The following ZBTB7C variants were observed in gnomAD, a reference collection of about 807,000 sequenced individuals.
ZBTB7C encodes zinc finger and BTB domain containing 7C.
Under a neutral mutation model 25.7 loss-of-function variants are expected in ZBTB7C, and 8 were observed. The observed-to-expected ratio is 0.31, with a 90% CI of 0.18 to 0.56. The LOEUF (loss-of-function observed/expected upper bound fraction) is 0.56, where lower values mean the gene tolerates loss of function less well. Ranked by LOEUF, ZBTB7C falls within the 20% of genes least tolerant of loss-of-function variation. The pLI is 0.91. For missense variants in ZBTB7C, 824 were observed against 855.2 expected (o/e 0.96, Z 0.46); for synonymous variants, 394 against 369.0 (o/e 1.07, Z -0.78).
intron 3 of ZBTB7C, among the ~76,000 whole-genome samples, chr18:48,103,179 G>T (rs2038911671): frequency 6.9e-6 from 1 of 144,022 alleles, no homozygotes; most frequent in Non-Finnish European, 1.5e-5. Context: ...GTGATGGGGT[G>T]CTAGGGGGTC....
chr18:48,188,608 G>A (rs1417591247), intron 2 of ZBTB7C, among the ~76,000 whole-genome samples: 1 of 152,136 alleles, frequency 6.6e-6, no homozygotes, highest in Non-Finnish European at 1.5e-5. Flanking sequence ...TGTGCAATGT[G>A]GCCTCAGACA....
intron 3 of ZBTB7C, among the ~76,000 whole-genome samples, chr18:48,130,686 A>C (rs749700546): frequency 6.6e-6 from 1 of 152,180 alleles, no homozygotes; most frequent in Non-Finnish European, 1.5e-5. Flanking sequence ...AGATCCACAC[A>C]GATCTGTTTT....
At chr18:48,230,663 G>A (rs151071989) in intron 2 of ZBTB7C, among the ~76,000 whole-genome samples, 6 of 152,190 alleles carry the variant, frequency 3.9e-5, no homozygotes, top group Non-Finnish European at 8.8e-5. Flanking sequence ...CTGGTGCAAG[G>A]ATGTGAGCTG....
intron 3 of ZBTB7C, among the ~76,000 whole-genome samples, chr18:48,119,293 C>A (rs957780277): frequency 1.3e-5 from 2 of 152,236 alleles, no homozygotes; most frequent in Admixed American, 6.5e-5. Flanking sequence ...TCTTCTTAAT[C>A]TTTGAGACTG....
At position 48,040,136 on chromosome 18, in the gene ZBTB7C, G is replaced by A. The variant is rs377352790; in HGVS notation, c.972C>T (p.Pro324=). 6.3e-6 allele frequency: 10 copies of A among 1,584,604 alleles called. No homozygotes were observed. Among genetic ancestry groups the A allele is most frequent in the Non-Finnish European group, 8.6e-6 (10 of 1,165,470 alleles). The part of the protein sequence containing the change: ...FPDLPGGPLG[P]IKAENDYGAY... ...CACCGTAGTCGTTCTCCGCCTTGAT[G>A]GGTCCCAGAGGCCCCCCCGGCAGGT... The change falls in exon 4 of 5, where the codon CCC becomes CCT. Residue 324 remains proline (P), a synonymous_variant. Transcript: ENST00000590800.
Position 48,040,827 on chromosome 18 carries a change from G to T in ZBTB7C, c.281C>A (p.Thr94Asn). 6.2e-7 allele frequency: 1 copy of T among 1,613,906 alleles called. No individual in the cohort carries two copies. Among genetic ancestry groups the T allele is most frequent in the Non-Finnish European group, 8.5e-7 (1 of 1,179,884 alleles). The change falls in exon 4 of 5, where the codon ACC (threonine) becomes AAC (asparagine). Residue 94 changes from threonine (T) to asparagine (N), a missense_variant. By Grantham distance (65) the Thr-to-Asn change is moderately conservative. Around this residue, in one of 4 missense-constraint regions of ZBTB7C, gnomAD observed 117 missense variants for 167.7 expected, o/e 0.70. Coordinates refer to ENST00000590800, the MANE Select transcript of ZBTB7C (RefSeq NM_001318841.2). ...GCCAGCGGTGATGGTGAGCGTGGAG[G>T]TGTAGGCGAACTCCAGGATAGCAGC... ...ALAAILEFAYTSTLTITAGNV... is the reference protein window; with the variant it reads ...ALAAILEFAYNSTLTITAGNV...
At chr18:48,291,362 T>C (rs950474533) in intron 2 of ZBTB7C, among the ~76,000 whole-genome samples, 2 of 152,166 alleles carry the variant, frequency 1.3e-5, no homozygotes, top group Non-Finnish European at 2.9e-5. Flanking sequence ...TCTACCTAGC[T>C]GGCCTGGATT....
At chr18:48,347,426 G>T (rs1220998903) in intron 1 of ZBTB7C, among the ~76,000 whole-genome samples, 1 of 152,068 alleles carries the variant, frequency 6.6e-6, no homozygotes, top group South Asian at 2.1e-4. Context: ...TCTTTTCCCT[G>T]CTTCCCCTAG....
chr18:48,355,653 C>G (rs1275768216), intron 1 of ZBTB7C, among the ~76,000 whole-genome samples: 1 of 152,224 alleles, frequency 6.6e-6, no homozygotes, highest in African/African-American at 2.4e-5. Context: ...GTGCCGTGCT[C>G]ATGCCAGGCT....
Position 48,029,708 on chromosome 18 carries a change from C to T in ZBTB7C, c.1412G>A (p.Ser471Asn). Residue 471 changes from serine (S) to asparagine (N), a missense_variant, in exon 5 of 5, where the codon AGC becomes AAC. Ser to Asn is a conservative substitution (Grantham distance 46). Transcript: ENST00000590800. ...DHLHRHIKRQ[S>N]CRMARPRRGR... is the part of the protein sequence containing the mutation. ...GCGTCGGGGCCGTGCCATGCGGCAG[C>T]TCTGGCGCTTGATGTGGCGGTGCAG... The T allele has an allele frequency of 6.2e-7, 1 of 1,604,158 alleles. No individual in the cohort carries two copies. Among genetic ancestry groups the T allele is most frequent in the Non-Finnish European group, 8.5e-7 (1 of 1,179,284 alleles).
Position 48,274,325 on chromosome 18 carries a change from G to T in ZBTB7C, c.-79+63849C>A, listed in dbSNP as rs564731593. On this transcript the variant is annotated intron_variant, in intron 2 of 4. Transcript: ENST00000590800. ...ATCAGATATTTTGAACTTGAATCTTGTTGTTTTTGTTTTGTCTTGTTTTGT... is the reference window on the plus strand; with the variant it reads ...ATCAGATATTTTGAACTTGAATCTTTTTGTTTTTGTTTTGTCTTGTTTTGT... Among the ~76,000 whole-genome samples, 15 of 152,240 alleles carry T rather than the reference G, an allele frequency of 9.9e-5. No homozygotes were observed. In the East Asian group the frequency reaches 2.9e-3, roughly 29 times the overall value.
chr18:48,214,894 T>C (rs1242019303), intron 2 of ZBTB7C, among the ~76,000 whole-genome samples: 3 of 152,230 alleles, frequency 2.0e-5, no homozygotes, highest in Admixed American at 1.3e-4. Context: ...GCTATGAACA[T>C]AGGTGTACAA....
At chr18:48,033,850 C>G (rs957453738) in intron 4 of ZBTB7C, among the ~76,000 whole-genome samples, 2 of 152,106 alleles carry the variant, frequency 1.3e-5, no homozygotes, top group Non-Finnish European at 2.9e-5. Context: ...GAGGTGGTGC[C>G]GGGCACACTC....
In ZBTB7C at chr18:48,096,374, C is replaced by T. The variant is rs149686353; in HGVS notation, c.-16-55251G>A. On this transcript the variant is annotated intron_variant, in intron 3 of 4. Coordinates refer to ENST00000590800, the MANE Select transcript of ZBTB7C (RefSeq NM_001318841.2). ...GGGCACCATTCTATGATTCTTAATG[C>T]GCTTTCTGGGCAGGGCACTTAGCGG... Among the ~76,000 whole-genome samples the T allele has an allele frequency of 3.6e-3, 549 of 152,244 alleles. 4 individuals are homozygous for T. Among genetic ancestry groups the T allele is most frequent in the African/African-American group, 0.012 (509 of 41,556 alleles).
At chr18:48,229,075 C>T (rs2043183975) in intron 2 of ZBTB7C, among the ~76,000 whole-genome samples, 1 of 152,068 alleles carries the variant, frequency 6.6e-6, no homozygotes, top group Non-Finnish European at 1.5e-5. Flanking sequence ...AGTGCCAGAT[C>T]CCAGTCAAAA....
intron 2 of ZBTB7C, among the ~76,000 whole-genome samples, chr18:48,314,498 T>A (rs1157005213): frequency 6.6e-6 from 1 of 152,134 alleles, no homozygotes; most frequent in Admixed American, 6.5e-5. Context: ...AGTTCAAATG[T>A]CCAGTGAAGG....
At chr18:48,068,371 C>T (rs541202432) in intron 3 of ZBTB7C, among the ~76,000 whole-genome samples, 180 of 152,098 alleles carry the variant, frequency 1.2e-3, no homozygotes, top group African/African-American at 4.2e-3. Context: ...GATCTCTTGA[C>T]CTTGTGATCT....
intron 3 of ZBTB7C, among the ~76,000 whole-genome samples, chr18:48,120,179 G>A (rs1159281361): frequency 6.6e-6 from 1 of 152,172 alleles, no homozygotes; most frequent in Non-Finnish European, 1.5e-5. Flanking sequence ...TGAGGAGTTG[G>A]AAGCAGCAGA....
rs190608586 is a variant in ZBTB7C at position 48,185,663 on chromosome 18, C to T, written c.-17+271G>A. On this transcript the variant is annotated intron_variant, in intron 3 of 4. Transcript: ENST00000590800. ...TCTTTTTTCTAGAGTCCTGCTCTCCCGCACAGCAATCGAGTCAAGGGAGTG... is the reference window on the plus strand; with the variant it reads ...TCTTTTTTCTAGAGTCCTGCTCTCCTGCACAGCAATCGAGTCAAGGGAGTG... Among the ~76,000 whole-genome samples the T allele has an allele frequency of 6.1e-4, 93 of 152,242 alleles. 1 individual carries two copies. The highest frequency in any genetic ancestry group is 1.9e-3 in the African/African-American group (77 of 41,548).
Sources: gnomAD v4.1 joint callset for allele counts (sites outside exome capture counted in the v4.1 genomes callset) on GRCh38, gnomAD v4.1.1 for gene constraint, gnomAD v4.1.1 regional missense constraint, MANE v1.5 for transcripts, NCBI Gene and HGNC (gene_info 2026-07-23, HGNC 2026-07-21) for gene names.